The following SLC24A3 variants were observed in gnomAD, a reference collection of about 807,000 sequenced individuals.
SLC24A3 encodes sodium/potassium/calcium exchanger 3.
A neutral mutation model predicts 75.8 loss-of-function variants in SLC24A3; 28 were observed. That is an observed-to-expected ratio of 0.37 (90% CI 0.27 to 0.51). The LOEUF is 0.51. SLC24A3 is among the 20% of genes least tolerant of loss of function. The pLI is 0.94. For missense variants in SLC24A3, 663 were observed against 847.8 expected (o/e 0.78, Z 2.71); for synonymous variants, 372 against 334.1 (o/e 1.11, Z -1.24).
At chr20:19,460,956 C>T (rs1987659997) in intron 2 of SLC24A3, among the ~76,000 whole-genome samples, 1 of 152,198 alleles carries the variant, frequency 6.6e-6, no homozygotes, top group Non-Finnish European at 1.5e-5. Flanking sequence ...CTGGTAGAGT[C>T]ATGTCCTAGA....
intron 3 of SLC24A3, among the ~76,000 whole-genome samples, chr20:19,555,377 G>A (rs2030765887): frequency 6.6e-6 from 1 of 152,176 alleles, no homozygotes; most frequent in Non-Finnish European, 1.5e-5. Context: ...AAGGAATTCT[G>A]ATGAATGAGA....
chr20:19,527,418 T>C (rs941807641), intron 3 of SLC24A3, among the ~76,000 whole-genome samples: 3 of 152,144 alleles, frequency 2.0e-5, no homozygotes, highest in African/African-American at 7.2e-5. Flanking sequence ...ATAGGGTCTA[T>C]CCACTAAGCT....
At chr20:19,443,688 A>G (rs1259215519) in intron 2 of SLC24A3, among the ~76,000 whole-genome samples, 1 of 152,100 alleles carries the variant, frequency 6.6e-6, no homozygotes, top group Non-Finnish European at 1.5e-5. Context: ...ATTACATTGG[A>G]TAGGACTTTT....
chr20:19,274,974 A>C (rs574840208), intron 1 of SLC24A3, among the ~76,000 whole-genome samples: 11 of 152,328 alleles, frequency 7.2e-5, no homozygotes, highest in African/African-American at 2.6e-4. Context: ...TGTGCCGTTA[A>C]CTGAGTTTTC....
intron 3 of SLC24A3, among the ~76,000 whole-genome samples, chr20:19,562,382 C>G (rs3934503): frequency 6.6e-6 from 1 of 152,086 alleles, no homozygotes; most frequent in Admixed American, 6.5e-5. Context: ...GAAGGACATA[C>G]TGAGACCAGG....
intron 2 of SLC24A3, among the ~76,000 whole-genome samples, chr20:19,327,500 A>T (rs1984892244): frequency 6.6e-6 from 1 of 152,234 alleles, no homozygotes; most frequent in African/African-American, 2.4e-5. Context: ...GAATCTCAGC[A>T]TGAGACTTCA....
intron 2 of SLC24A3, among the ~76,000 whole-genome samples, chr20:19,350,003 C>T (rs1600442685): frequency 6.6e-6 from 1 of 152,278 alleles, no homozygotes; most frequent in East Asian, 1.9e-4. Context: ...AGGGACCCAG[C>T]AGGGTGAGAC....
At chr20:19,296,724 C>T (rs1984070732) in intron 2 of SLC24A3, among the ~76,000 whole-genome samples, 1 of 152,192 alleles carries the variant, frequency 6.6e-6, no homozygotes, top group Non-Finnish European at 1.5e-5. Flanking sequence ...AGGACTTGAA[C>T]TCAGCTCTGG....
At chr20:19,241,067 A>T (rs950742829) in intron 1 of SLC24A3, among the ~76,000 whole-genome samples, 1 of 152,176 alleles carries the variant, frequency 6.6e-6, no homozygotes, top group African/African-American at 2.4e-5. Flanking sequence ...CTAGATTTAG[A>T]TCCTACTGTT....
rs2032204846 is a variant in SLC24A3, at chr20:19,651,636, G to A, written c.613-2426G>A. Among the ~76,000 whole-genome samples, 2 of 151,882 alleles carry A rather than the reference G, an allele frequency of 1.3e-5. 1 individual carries two copies. The highest frequency in any genetic ancestry group is 4.1e-4 in the South Asian group (2 of 4,824). ...GCACTTTGGGAGGCCGAGGCAGGTGGATCACAAGGTCAGGAGATCGAGACC... is the reference window on the plus strand; with the variant it reads ...GCACTTTGGGAGGCCGAGGCAGGTGAATCACAAGGTCAGGAGATCGAGACC... On this transcript the variant is annotated intron_variant, in intron 6 of 16. Transcript: ENST00000328041.
intron 4 of SLC24A3, among the ~76,000 whole-genome samples, chr20:19,583,816 G>A (rs1431803329): frequency 6.6e-6 from 1 of 152,180 alleles, no homozygotes; most frequent in Non-Finnish European, 1.5e-5. Flanking sequence ...GCAACTTTGC[G>A]CTATCTGCGC....
At chr20:19,489,086 A>G (rs1201488903) in intron 2 of SLC24A3, among the ~76,000 whole-genome samples, 1 of 152,170 alleles carries the variant, frequency 6.6e-6, no homozygotes, top group Non-Finnish European at 1.5e-5. Context: ...AAGGAAAGCC[A>G]CCCTTGGAAT....
intron 1 of SLC24A3, among the ~76,000 whole-genome samples, chr20:19,266,338 G>A (rs868158031): frequency 1.3e-5 from 2 of 152,282 alleles, no homozygotes; most frequent in Middle Eastern, 3.4e-3. Context: ...AGAGAGTCCC[G>A]ATACTTGGTA....
chr20:19,351,454 C>T (rs1436278988), intron 2 of SLC24A3, among the ~76,000 whole-genome samples: 1 of 152,212 alleles, frequency 6.6e-6, no homozygotes, highest in Non-Finnish European at 1.5e-5. Context: ...TCTCCCTCCC[C>T]AGCTTCTCCT....
chr20:19,346,081 A>ATATATG (rs1985394194), intron 2 of SLC24A3, among the ~76,000 whole-genome samples: 1 of 66,142 alleles, frequency 1.5e-5, no homozygotes, highest in Admixed American at 1.7e-4. Flanking sequence ...ATATATATAT[A>ATATATG]TATATATATA....
At chr20:19,421,502 T>C (rs1367036402) in intron 2 of SLC24A3, among the ~76,000 whole-genome samples, 2 of 152,222 alleles carry the variant, frequency 1.3e-5, no homozygotes, top group Non-Finnish European at 2.9e-5. Flanking sequence ...TTTGAGTTTC[T>C]TCAACAGCTG....
At chr20:19,594,438 C>T (rs779110430) in intron 6 of SLC24A3, among the ~76,000 whole-genome samples, 1 of 152,194 alleles carries the variant, frequency 6.6e-6, no homozygotes, top group Non-Finnish European at 1.5e-5. Context: ...TGGTTTGTCT[C>T]GTAGTTATTT....
At chr20:19,634,837 C>T (rs1392848272) in intron 6 of SLC24A3, among the ~76,000 whole-genome samples, 1 of 152,020 alleles carries the variant, frequency 6.6e-6, no homozygotes, top group Non-Finnish European at 1.5e-5. Flanking sequence ...CAGGGGTATA[C>T]AACATCTTAT....
intron 2 of SLC24A3, among the ~76,000 whole-genome samples, chr20:19,482,957 A>G (rs1988080645): frequency 6.6e-6 from 1 of 152,234 alleles, no homozygotes; most frequent in Non-Finnish European, 1.5e-5. Flanking sequence ...AATCACAAAA[A>G]TGGCCCATGG....
Sources: gnomAD v4.1 joint callset for allele counts (sites outside exome capture counted in the v4.1 genomes callset) on GRCh38, gnomAD v4.1.1 for gene constraint, MANE v1.5 for transcripts, NCBI Gene and HGNC (gene_info 2026-07-23, HGNC 2026-07-21) for gene names.